RAPGEF2: variants seen among roughly 807,000 people sequenced by gnomAD.
RAPGEF2 encodes PDZ domain containing guanine nucleotide exchange factor (GEF) 1.
A neutral mutation model predicts 186.7 loss-of-function variants in RAPGEF2; 54 were observed. That is an observed-to-expected ratio of 0.29 (90% CI 0.23 to 0.36). The LOEUF (loss-of-function observed/expected upper bound fraction) is 0.36. RAPGEF2 is among the 10% of genes least tolerant of loss of function. The probability of loss-of-function intolerance (pLI) is 1.00; values close to 1 mark genes in which losing one functional copy is unlikely to be tolerated. For synonymous variants in RAPGEF2, 712 were observed against 705.9 expected (o/e 1.01, Z -0.14); for missense variants, 1,532 against 2,045.0 (o/e 0.75, Z 4.84).
At chr4:159,147,372 C>A in intron 1 of RAPGEF2, among the ~76,000 whole-genome samples, 1 of 145,674 alleles carries the variant, frequency 6.9e-6, no homozygotes, top group South Asian at 2.2e-4. Context: ...ACAAAAATAC[C>A]TTTTTTTTTT....
intron 4 of RAPGEF2, among the ~76,000 whole-genome samples, chr4:159,226,214 C>T (rs1215956104): frequency 6.6e-6 from 1 of 152,106 alleles, no homozygotes; most frequent in Admixed American, 6.5e-5. Flanking sequence ...TTCAGTTGTT[C>T]TAGAAGAGTT....
At chr4:159,148,304 A>G (rs973434364) in intron 1 of RAPGEF2, among the ~76,000 whole-genome samples, 9 of 152,184 alleles carry the variant, frequency 5.9e-5, no homozygotes, top group Non-Finnish European at 1.0e-4. Context: ...TAAAGTATAG[A>G]CAGTTAGGCA....
At chr4:159,268,363 G>T (rs1757694865) in intron 7 of RAPGEF2, 2 of 601,626 alleles carry the variant, frequency 3.3e-6, no homozygotes, top group Admixed American at 3.5e-5. Flanking sequence ...GTGCATTAAA[G>T]CTGGCTTGTT....
At chr4:159,286,844 A>G (rs1236125317) in intron 7 of RAPGEF2, among the ~76,000 whole-genome samples, 5 of 152,020 alleles carry the variant, frequency 3.3e-5, no homozygotes, top group African/African-American at 1.2e-4. Context: ...ATTGATTATT[A>G]TATTTTGGGT....
chr4:159,146,619 A>G (rs1407662526), intron 1 of RAPGEF2, among the ~76,000 whole-genome samples: 1 of 152,192 alleles, frequency 6.6e-6, no homozygotes, highest in Non-Finnish European at 1.5e-5. Context: ...TGCTGTCTGT[A>G]TATGTAATAA....
intron 1 of RAPGEF2, among the ~76,000 whole-genome samples, chr4:159,133,419 ATT>A: frequency 7.0e-6 from 1 of 143,514 alleles, no homozygotes; most frequent in African/African-American, 2.5e-5. Context: ...AGTTGTATGA[ATT>A]TTTTTTTTTT....
At chr4:159,114,345 G>T (rs150548838) in intron 1 of RAPGEF2, among the ~76,000 whole-genome samples, 2,712 of 151,996 alleles carry the variant, frequency 0.018, 85 homozygotes, top group African/African-American at 0.061. Context: ...CTCGTGATCC[G>T]CCCACTGCAG....
intron 7 of RAPGEF2, among the ~76,000 whole-genome samples, chr4:159,252,534 G>A (rs1331607986): frequency 6.6e-6 from 1 of 152,242 alleles, no homozygotes; most frequent in Non-Finnish European, 1.5e-5. Flanking sequence ...GTCATTTACA[G>A]TGGGCATTTT....
intron 1 of RAPGEF2, among the ~76,000 whole-genome samples, chr4:159,182,000 T>C (rs571025667): frequency 6.6e-6 from 1 of 152,228 alleles, no homozygotes; most frequent in Non-Finnish European, 1.5e-5. Context: ...TAGAACATTA[T>C]GATTGGAGCC....
intron 9 of RAPGEF2, among the ~76,000 whole-genome samples, chr4:159,321,848 C>T (rs972865139): frequency 2.0e-5 from 3 of 151,714 alleles, no homozygotes; most frequent in Non-Finnish European, 2.9e-5. Context: ...CATATCATGT[C>T]GTTAATTTTT....
At chr4:159,322,719 A>T (rs1289114057) in intron 10 of RAPGEF2, among the ~76,000 whole-genome samples, 1 of 152,194 alleles carries the variant, frequency 6.6e-6, no homozygotes, top group Non-Finnish European at 1.5e-5. Context: ...TTACAGTTCC[A>T]CGTGGCTGGG....
chr4:159,343,956 A>T, intron 22 of RAPGEF2, 80 bp from the exon 23 acceptor site: 1 of 1,396,512 alleles, frequency 7.2e-7, no homozygotes, highest in Non-Finnish European at 1.0e-6. Flanking sequence ...CCAGAAGTCT[A>T]GTCCTTTCTT....
intron 4 of RAPGEF2, among the ~76,000 whole-genome samples, chr4:159,215,354 T>G (rs192714951): frequency 1.3e-5 from 2 of 151,392 alleles, no homozygotes; most frequent in African/African-American, 2.4e-5. Context: ...AAAAATATTT[T>G]GGGGGAAAGA....
chr4:159,322,617 TG>T, intron 10 of RAPGEF2, 134 bp downstream of exon 10: 2 of 674,818 alleles, frequency 3.0e-6, no homozygotes, highest in Non-Finnish European at 5.1e-6. Context: ...TCAAGAATTA[TG>T]GTACACCTGT....
At chr4:159,201,726 T>C (rs1749435895) in intron 3 of RAPGEF2, among the ~76,000 whole-genome samples, 1 of 152,190 alleles carries the variant, frequency 6.6e-6, no homozygotes, top group Non-Finnish European at 1.5e-5. Context: ...CTTCGGAAGT[T>C]GTCCCTTTAT....
intron 7 of RAPGEF2, among the ~76,000 whole-genome samples, chr4:159,286,390 G>T (rs190143437): frequency 1.3e-5 from 2 of 151,992 alleles, no homozygotes; most frequent in Non-Finnish European, 2.9e-5. Flanking sequence ...AATAGTACTT[G>T]TACTATTCCT....
At position 159,206,031 on chromosome 4, in the gene RAPGEF2, G is replaced by A. The variant is rs1038062986; in HGVS notation, c.198-4469G>A. On this transcript the variant is annotated intron_variant, in intron 3 of 29. Transcript: ENST00000691494. The stretch of plus-strand genomic sequence containing the variant: ...TGCAAGCTCCGCCTCCCGGGTTCAC[G>A]CCATTCTCCTGCCTCAGCCTCCCGA... 9.9e-4 allele frequency among the ~76,000 whole-genome samples: 150 copies of A among 151,938 alleles called. 1 individual carries two copies. The highest frequency in any genetic ancestry group is 3.7e-4 in the Non-Finnish European group (25 of 67,978).
intron 28 of RAPGEF2, 57 bp downstream of exon 28, chr4:159,354,103 T>A: frequency 7.0e-7 from 1 of 1,433,782 alleles, no homozygotes; most frequent in African/African-American, 1.4e-5. Context: ...TAATGTAACT[T>A]ATTACAATAG....
intron 1 of RAPGEF2, among the ~76,000 whole-genome samples, chr4:159,148,221 A>G (rs1203029120): frequency 6.6e-6 from 1 of 152,136 alleles, no homozygotes; most frequent in African/African-American, 2.4e-5. Context: ...CAGCCCTTCA[A>G]CCACATTTAC....
Sources: gnomAD v4.1 joint callset for allele counts (sites outside exome capture counted in the v4.1 genomes callset) on GRCh38, gnomAD v4.1.1 for gene constraint, MANE v1.5 for transcripts, NCBI Gene and HGNC (gene_info 2026-07-23, HGNC 2026-07-21) for gene names.